Variants in NKAPD1 observed in about 807,000 individuals in gnomAD.
NKAPD1 encodes the protein uncharacterized protein NKAPD1.
In NKAPD1, 12 loss-of-function variants were observed where a neutral mutation model predicts 30.9. The ratio of observed to expected loss-of-function variants is 0.39; its 90% confidence interval spans 0.25 to 0.63. NKAPD1 has a LOEUF of 0.63. Among genes scored for constraint, NKAPD1 ranks in the 20% least tolerant of loss-of-function variants. NKAPD1 has a pLI of 0.51. For synonymous variants in NKAPD1, 91 were observed against 113.6 expected (o/e 0.80, Z 1.26); for missense variants, 311 against 344.5 (o/e 0.90, Z 0.77).
At chr11:112,075,418 T>C (rs1414116736) in intron 1 of NKAPD1, 149 bp from the exon 2 acceptor site, 1 of 616,548 alleles carries the variant, frequency 1.6e-6, no homozygotes, top group South Asian at 2.0e-5. Context: ...TTCCCTCTTT[T>C]AATGGTAAAG....
Position 112,080,417 on chromosome 11 carries a change from G to A in NKAPD1, c.179G>A (p.Arg60His), listed in dbSNP as rs146242663. ...TCTGCTTTCTCTTTTAGCCGGATGC[G>A]CAGTGATGGTTTTGATGAAGAAAGT... is the stretch of plus-strand genomic sequence containing the variant. ...KMLPSSSSRM[R>H]SDGFDEESQR... The change falls in exon 4 of 6, where the codon CGC (arginine) becomes CAC (histidine). Residue 60 changes from arginine (R) to histidine (H), a missense_variant. Arg to His is a conservative substitution (Grantham distance 29). Coordinates refer to ENST00000393047, the MANE Select transcript of NKAPD1 (RefSeq NM_018195.4). 12 of 1,613,590 alleles carry A rather than the reference G, an allele frequency of 7.4e-6. No individual in the cohort carries two copies. Among genetic ancestry groups the A allele is most frequent in the Middle Eastern group, 1.6e-4 (1 of 6,082 alleles).
intron 3 of NKAPD1, among the ~76,000 whole-genome samples, chr11:112,078,599 G>T (rs1251758622): frequency 6.6e-6 from 1 of 152,180 alleles, no homozygotes; most frequent in Non-Finnish European, 1.5e-5. Flanking sequence ...TTTAACTGAA[G>T]ATTTTATACT....
chr11:112,079,201 A>G (rs776360079), intron 3 of NKAPD1, among the ~76,000 whole-genome samples: 1 of 139,356 alleles, frequency 7.2e-6, no homozygotes, highest in African/African-American at 2.7e-5. Flanking sequence ...GCTGGAGTGC[A>G]ATGGTGTGGT....
rs760143535 is a variant in NKAPD1 at position 112,082,484 on chromosome 11, A to G, written c.394A>G (p.Thr132Ala). Residue 132 changes from threonine (T) to alanine (A), a missense_variant, in exon 6 of 6, where the codon ACC becomes GCC. Transcript: ENST00000393047. ...TATTAGTAGTGATCAGCAAGATATTACCAACGGGAAGAAAACATCTCCCCA... is the reference window on the plus strand; with the variant it reads ...TATTAGTAGTGATCAGCAAGATATTGCCAACGGGAAGAAAACATCTCCCCA... ...ETDSSDQQDI[T>A]NGKKTSPQVK... The G allele has an allele frequency of 3.8e-6, 6 of 1,584,834 alleles. No individual in the cohort carries two copies. The highest frequency in any genetic ancestry group is 1.7e-4 in the Middle Eastern group (1 of 5,920).
chr11:112,082,317 T>G, intron 5 of NKAPD1, 148 bp from the exon 6 acceptor site: 1 of 777,152 alleles, frequency 1.3e-6, no homozygotes, highest in Non-Finnish European at 2.0e-6. Flanking sequence ...AAAAACTCAA[T>G]GAGAATATTA....
chr11:112,074,512 T>A lies in NKAPD1; in HGVS notation c.-413T>A. The A allele has an allele frequency of 2.5e-6, 1 of 399,054 alleles. No individual in the cohort carries two copies. The highest frequency in any genetic ancestry group is 4.4e-6 in the Non-Finnish European group (1 of 226,094). The allele number at this position is 399,054 out of a possible 1,614,324, so 24.7% of individuals were successfully genotyped here. A position where few individuals can be genotyped will look rare whatever the true frequency, so the allele number is the denominator to read the frequency against. ...GGAAACCTCAACCCCCGCTTCAGGC[T>A]CCCTAGATACTTTCTGGGGCCCAAC... On this transcript the variant is annotated 5_prime_UTR_variant, in exon 1 of 6. Coordinates refer to ENST00000393047, the MANE Select transcript of NKAPD1 (RefSeq NM_018195.4).
At chr11:112,082,207 GGCATGTCTGTAA>G in intron 5 of NKAPD1, 172 bp downstream of exon 5, 2 of 710,066 alleles carry the variant, frequency 2.8e-6, no homozygotes, top group Non-Finnish European at 4.6e-6. Flanking sequence ...GTTGATGTTT[GGCATGTCTGTAA>G]GCATTTTGGT....
Position 112,082,968 on chromosome 11 carries a change from A to C in NKAPD1, c.878A>C (p.Asp293Ala). 6.3e-7 allele frequency: 1 copy of C among 1,583,584 alleles called. No homozygotes were observed. Among genetic ancestry groups the C allele is most frequent in the South Asian group, 1.2e-5 (1 of 85,968 alleles). ...DERSAESSED[D>A] ...AGGTCTGCTGAGAGCTCAGAGGATG[A>C]CTAAATGGGAAACACTTTTGTTTTC... Residue 293 changes from aspartate (D) to alanine (A), a missense_variant, in exon 6 of 6, where the codon GAC (aspartate) becomes GCC (alanine). Transcript: ENST00000393047.
intron 3 of NKAPD1, 146 bp from the exon 4 acceptor site, chr11:112,080,263 C>G: frequency 1.3e-6 from 1 of 783,866 alleles, no homozygotes; most frequent in South Asian, 1.8e-5. Flanking sequence ...CAGATAATGT[C>G]TTTGCCTTTT....
At position 112,074,925 on chromosome 11, in the gene NKAPD1, G is replaced by A. The variant is rs1035581302; in HGVS notation, c.-9+9G>A. The A allele has an allele frequency of 2.6e-4, 43 of 163,220 alleles. No homozygotes were observed. 10.1% of individuals were successfully genotyped at this position (163,220 alleles called of 1,614,324 possible). Reference sequence around the variant, plus strand: ...TTCCTCAGGATCAAGGGGTGAGTGAGCGTTGGGGTGGTTGCACAAAGCTCC... The same window carrying A: ...TTCCTCAGGATCAAGGGGTGAGTGAACGTTGGGGTGGTTGCACAAAGCTCC... On this transcript the variant is annotated intron_variant, in intron 1 of 5. Coordinates refer to ENST00000393047, the MANE Select transcript of NKAPD1 (RefSeq NM_018195.4).
chr11:112,082,622 A>G lies in NKAPD1; in HGVS notation c.532A>G (p.Thr178Ala), dbSNP rs1865480979. 6.2e-7 allele frequency: 1 copy of G among 1,613,514 alleles called. No individual in the cohort carries two copies. Among genetic ancestry groups the G allele is most frequent in the Non-Finnish European group, 8.5e-7 (1 of 1,179,940 alleles). Reference protein sequence around the residue: ...KKQKKSKKEATDITADSSSEF... With the variant: ...KKQKKSKKEAADITADSSSEF... ...ACAGAAGAAAAGCAAAAAGGAAGCC[A>G]CAGATATAACAGCAGATTCCTCGAG... is the stretch of plus-strand genomic sequence containing the variant. The change falls in exon 6 of 6, where the codon ACA becomes GCA. Residue 178 changes from threonine to alanine, a missense_variant. Transcript: ENST00000393047.
At chr11:112,079,016 G>C (rs893167853) in intron 3 of NKAPD1, among the ~76,000 whole-genome samples, 6 of 152,130 alleles carry the variant, frequency 3.9e-5, no homozygotes. Context: ...TTACACGCTT[G>C]TAAGTGTAAG....
At chr11:112,079,276 G>T (rs1185523595) in intron 3 of NKAPD1, among the ~76,000 whole-genome samples, 2 of 150,874 alleles carry the variant, frequency 1.3e-5, no homozygotes, top group South Asian at 2.1e-4. Flanking sequence ...CTCCCAATCA[G>T]CTGGGATTAC....
chr11:112,081,795 T>C, intron 4 of NKAPD1, 187 bp from the exon 5 acceptor site: 1 of 561,098 alleles, frequency 1.8e-6, no homozygotes, highest in Non-Finnish European at 3.2e-6. Context: ...CTTGTATGTC[T>C]GAAGTGATAG....
rs561724236 is a variant in NKAPD1 at position 112,080,885 on chromosome 11, T to C, written c.320+327T>C. 1.4e-4 allele frequency: 42 copies of C among 308,232 alleles called. 1 individual carries two copies. The East Asian group carries it at 3.6e-3, about 26-fold the overall frequency. 19.1% of individuals were successfully genotyped at this position (308,232 alleles called of 1,614,324 possible). ...ACCGCATATTGTATGATTCTATTTA[T>C]GTACTATGTCCATACATAACTGTAT... On this transcript the variant is annotated intron_variant, in intron 4 of 5. Transcript: ENST00000393047.
intron 3 of NKAPD1, 152 bp downstream of exon 3, chr11:112,078,467 A>T: frequency 1.4e-6 from 1 of 695,146 alleles, no homozygotes; most frequent in Non-Finnish European, 2.5e-6. Context: ...AGGCATAAAG[A>T]TAATGGCTGT....
In NKAPD1 at chr11:112,080,648, A is replaced by G. The variant is rs1014917355; in HGVS notation, c.320+90A>G. On this transcript the variant is annotated intron_variant, in intron 4 of 5. Transcript: ENST00000393047. Reference sequence around the variant, plus strand: ...TGTCCCCACAAAAAACTTGTGTACAAAAGTTCATACCAGCATTATTAATAA... The same window carrying G: ...TGTCCCCACAAAAAACTTGTGTACAGAAGTTCATACCAGCATTATTAATAA... 3.5e-6 allele frequency: 5 copies of G among 1,445,916 alleles called. No individual in the cohort carries two copies. In the East Asian group the frequency reaches 6.9e-5, roughly 20 times the overall value. 89.6% of individuals were successfully genotyped at this position (1,445,916 alleles called of 1,614,324 possible).
Position 112,082,010 on chromosome 11 carries a change from T to C in NKAPD1, c.349T>C (p.Tyr117His), listed in dbSNP as rs1566676300. The C allele has an allele frequency of 1.9e-6, 3 of 1,612,456 alleles. No homozygotes were observed. The highest frequency in any genetic ancestry group is 1.1e-5 in the South Asian group (1 of 91,054). ...GGGTCACAGTGGTTATAAAGAGTTATACCCTGAAGAATTTGAAACAGACAG... is the reference window on the plus strand; with the variant it reads ...GGGTCACAGTGGTTATAAAGAGTTACACCCTGAAGAATTTGAAACAGACAG... ...RWGHSGYKEL[Y>H]PEEFETDSSD... is the part of the protein sequence containing the mutation. The change falls in exon 5 of 6, where the codon TAC becomes CAC. Residue 117 changes from tyrosine to histidine, a missense_variant. Physicochemically the swap from Tyr to His is moderately conservative, Grantham distance 83. Coordinates refer to ENST00000393047, the MANE Select transcript of NKAPD1 (RefSeq NM_018195.4).
At chr11:112,076,336 C>T (rs1478875763) in intron 2 of NKAPD1, among the ~76,000 whole-genome samples, 4 of 151,932 alleles carry the variant, frequency 2.6e-5, no homozygotes, top group African/African-American at 7.2e-5. Context: ...GATGAGGGTT[C>T]GCATGAAATT....
Sources: allele counts gnomAD v4.1 joint callset (sites outside exome capture counted in the v4.1 genomes callset), GRCh38; gene constraint gnomAD v4.1.1; transcripts MANE v1.5; gene names NCBI Gene and HGNC (gene_info 2026-07-23, HGNC 2026-07-21).